The following HPCAL1 variants were observed in gnomAD, a reference collection of about 807,000 sequenced individuals.
The protein encoded by HPCAL1 is hippocalcin like 1.
Under a neutral mutation model 17.1 loss-of-function variants are expected in HPCAL1, and 8 were observed. That is an observed-to-expected ratio of 0.47 (90% CI 0.27 to 0.84). HPCAL1 has a LOEUF of 0.84. Ranked by LOEUF, HPCAL1 falls within the 40% of genes least tolerant of loss-of-function variation. The pLI is 0.13. For missense variants in HPCAL1, 165 were observed against 271.1 expected (o/e 0.61, Z 2.75); for synonymous variants, 112 against 111.4 (o/e 1.01, Z -0.03).
chr2:10,332,561 C>T (rs1044310884), intron 1 of HPCAL1, among the ~76,000 whole-genome samples: 1 of 152,080 alleles, frequency 6.6e-6, no homozygotes, highest in Non-Finnish European at 1.5e-5. Context: ...AGCTGGGCTG[C>T]AGGCTTGGAG....
chr2:10,360,451 AC>A (rs1666449663), intron 1 of HPCAL1, among the ~76,000 whole-genome samples: 2 of 151,618 alleles, frequency 1.3e-5, no homozygotes, highest in African/African-American at 4.9e-5. Flanking sequence ...TTGCTCTGTC[AC>A]CCAGGCTGGA....
chr2:10,309,542 C>A (rs1662825329), intron 1 of HPCAL1, among the ~76,000 whole-genome samples: 1 of 152,144 alleles, frequency 6.6e-6, no homozygotes, highest in South Asian at 2.1e-4. Flanking sequence ...CTTCCTAAGC[C>A]ATGGAAGCTC....
chr2:10,413,573 G>A (rs573503769), intron 2 of HPCAL1, among the ~76,000 whole-genome samples: 2 of 152,306 alleles, frequency 1.3e-5, no homozygotes, highest in South Asian at 2.1e-4. Context: ...TCTGGCACAC[G>A]CAGGAAGGTG....
rs1475927430 is a variant in HPCAL1, at chr2:10,427,313, C to T, written c.*492C>T. 1 of 157,556 alleles carries T rather than the reference C, an allele frequency of 6.3e-6. No homozygotes were observed. The highest frequency in any genetic ancestry group is 2.4e-5 in the African/African-American group (1 of 41,512). 9.8% of individuals were successfully genotyped at this position (157,556 alleles called of 1,614,324 possible). On this transcript the variant is annotated 3_prime_UTR_variant, in exon 5 of 5. Transcript: ENST00000307845. ...GCTTGCACGTATAGATACTGTGGTC[C>T]CCTTTCTTTTAATATATAAATTATG...
chr2:10,391,149 G>C (rs761577077), intron 1 of HPCAL1, among the ~76,000 whole-genome samples: 2 of 152,230 alleles, frequency 1.3e-5, no homozygotes, highest in Non-Finnish European at 2.9e-5. Flanking sequence ...TGCAGGGCCT[G>C]CTGGGGAGTT....
intron 2 of HPCAL1, among the ~76,000 whole-genome samples, chr2:10,401,829 T>G (rs1006907557): frequency 6.6e-6 from 1 of 152,202 alleles, no homozygotes; most frequent in Non-Finnish European, 1.5e-5. Flanking sequence ...CATGTTGGAA[T>G]GCTGTCTCCC....
chr2:10,334,706 G>T (rs1664609251), intron 1 of HPCAL1, among the ~76,000 whole-genome samples: 1 of 99,376 alleles, frequency 1.0e-5, no homozygotes, highest in Non-Finnish European at 2.1e-5. Context: ...TTTTTTTTGA[G>T]GCAGGGTCTC....
chr2:10,393,979 T>C (rs923336925), intron 1 of HPCAL1, among the ~76,000 whole-genome samples: 1 of 138,258 alleles, frequency 7.2e-6, no homozygotes, highest in Non-Finnish European at 1.6e-5. Flanking sequence ...AAAAAAAAGA[T>C]TGGGGTGCAC....
In HPCAL1 at chr2:10,365,969, C is replaced by T. The variant is rs369985600; in HGVS notation, c.-110-30866C>T. Among the ~76,000 whole-genome samples the T allele has an allele frequency of 3.3e-5, 5 of 152,318 alleles. No homozygotes were observed. Among genetic ancestry groups the T allele is most frequent in the African/African-American group, 7.2e-5 (3 of 41,578 alleles). On this transcript the variant is annotated intron_variant, in intron 1 of 4. Transcript: ENST00000307845. The surrounding 1 kb of genome is among the most constrained non-coding windows in gnomAD (Gnocchi z 4.8). ...GCCTCATGAGGAGACGCTCACTCCC[C>T]CAGACACACTGAGTACTCTTTCCTC...
intron 1 of HPCAL1, among the ~76,000 whole-genome samples, chr2:10,307,325 C>T (rs1033967677): frequency 6.6e-6 from 1 of 152,238 alleles, no homozygotes; most frequent in African/African-American, 2.4e-5. Context: ...TCTTTCCTTG[C>T]TCTGTGTCCC....
intron 2 of HPCAL1, among the ~76,000 whole-genome samples, chr2:10,407,120 C>A (rs1205898069): frequency 1.3e-5 from 2 of 152,180 alleles, no homozygotes; most frequent in African/African-American, 4.8e-5. Context: ...GACCATATAG[C>A]TGGGATGTGT....
chr2:10,325,292 T>G (rs1006319707), intron 1 of HPCAL1, among the ~76,000 whole-genome samples: 2 of 152,156 alleles, frequency 1.3e-5, no homozygotes, highest in African/African-American at 4.8e-5. Flanking sequence ...CGTAATTACA[T>G]TTTTGCAGGG....
chr2:10,422,122 C>T (rs952484709), intron 3 of HPCAL1, among the ~76,000 whole-genome samples: 5 of 152,186 alleles, frequency 3.3e-5, no homozygotes, highest in Admixed American at 2.0e-4. Flanking sequence ...TCTGTCCAAA[C>T]GGGACAGCCC....
At chr2:10,425,581 C>T (rs949783035) in intron 4 of HPCAL1, 5 of 152,432 alleles carry the variant, frequency 3.3e-5, no homozygotes, top group African/African-American at 9.6e-5. Context: ...AATGCATCCT[C>T]CCAGGTGCCT....
At chr2:10,399,798 A>C (rs73163041) in intron 2 of HPCAL1, among the ~76,000 whole-genome samples, 3,813 of 152,216 alleles carry the variant, frequency 0.025, 147 homozygotes, top group African/African-American at 0.084. Context: ...CTCGAGTCCC[A>C]GCCTCCCCTA....
At chr2:10,307,782 T>C (rs967151711) in intron 1 of HPCAL1, among the ~76,000 whole-genome samples, 1 of 152,258 alleles carries the variant, frequency 6.6e-6, no homozygotes, top group African/African-American at 2.4e-5. Context: ...CGGAGCCTTA[T>C]CTGCCCTTGG....
intron 4 of HPCAL1, chr2:10,423,351 G>A (rs956104748): frequency 2.4e-5 from 11 of 467,602 alleles, no homozygotes; most frequent in African/African-American, 1.2e-4. Context: ...TTATAGAATC[G>A]GGCATACCCA....
chr2:10,366,402 A>G (rs1558489933), intron 1 of HPCAL1, among the ~76,000 whole-genome samples: 2 of 151,840 alleles, frequency 1.3e-5, no homozygotes, highest in East Asian at 1.9e-4. Context: ...CACCCAGCTA[A>G]TTTTTGTATT....
chr2:10,351,795 C>T (rs1418774073), intron 1 of HPCAL1, among the ~76,000 whole-genome samples: 1 of 151,928 alleles, frequency 6.6e-6, no homozygotes, highest in African/African-American at 2.4e-5. Context: ...GGGCAAAATT[C>T]TCCCTGTCTG....
Sources: gnomAD v4.1 joint callset for allele counts (sites outside exome capture counted in the v4.1 genomes callset) on GRCh38, gnomAD v4.1.1 for gene constraint, Gnocchi (gnomAD v3.1) non-coding constraint, MANE v1.5 for transcripts, NCBI Gene and HGNC (gene_info 2026-07-23, HGNC 2026-07-21) for gene names.